PSEN1: variants seen among roughly 807,000 people sequenced by gnomAD.
PSEN1 encodes presenilin 1.
In PSEN1, 15 loss-of-function variants were observed where a neutral mutation model predicts 53.5. The ratio of observed to expected loss-of-function variants is 0.28; its 90% CI spans 0.19 to 0.43. The LOEUF is 0.43. Ranked by LOEUF, PSEN1 falls within the 20% of genes least tolerant of loss-of-function variation. The probability of loss-of-function intolerance (pLI) is 1.00; values close to 1 mark genes in which losing one functional copy is unlikely to be tolerated. For synonymous variants in PSEN1, 208 were observed against 209.8 expected (o/e 0.99, Z 0.08); for missense variants, 387 against 571.2 (o/e 0.68, Z 3.29).
intron 1 of PSEN1, among the ~76,000 whole-genome samples, chr14:73,146,358 A>G (rs761787391): frequency 2.6e-5 from 4 of 151,670 alleles, no homozygotes; most frequent in Non-Finnish European, 4.4e-5. Context: ...CCAGCTAATT[A>G]TTTTTTTGTA....
chr14:73,177,427 A>G (rs1898078352), intron 5 of PSEN1, among the ~76,000 whole-genome samples: 1 of 150,230 alleles, frequency 6.7e-6, no homozygotes, highest in Admixed American at 6.6e-5. Context: ...GTTTTGAGAT[A>G]AAGTCTTGCT....
intron 1 of PSEN1, among the ~76,000 whole-genome samples, chr14:73,143,630 C>G (rs994896835): frequency 6.6e-6 from 1 of 152,156 alleles, no homozygotes; most frequent in South Asian, 2.1e-4. Context: ...TGAGAAAGCT[C>G]CAGTGTGACC....
At chr14:73,208,342 G>A (rs1566651673) in intron 9 of PSEN1, among the ~76,000 whole-genome samples, 1 of 152,204 alleles carries the variant, frequency 6.6e-6, no homozygotes, top group African/African-American at 2.4e-5. Flanking sequence ...AGATGAAAAG[G>A]TGCTTTATTG....
chr14:73,203,368 A>T (rs1899310220), intron 8 of PSEN1, among the ~76,000 whole-genome samples: 1 of 152,150 alleles, frequency 6.6e-6, no homozygotes, highest in African/African-American at 2.4e-5. Context: ...GATTACAGGC[A>T]TGAGCCACCG....
chr14:73,201,540 G>A (rs1277773688), intron 8 of PSEN1, among the ~76,000 whole-genome samples: 1 of 152,226 alleles, frequency 6.6e-6, no homozygotes, highest in African/African-American at 2.4e-5. Flanking sequence ...AGGTGCGTAT[G>A]TGTGCATGCA....
chr14:73,153,030 A>G (rs920974860), intron 3 of PSEN1, among the ~76,000 whole-genome samples: 7 of 152,362 alleles, frequency 4.6e-5, no homozygotes, highest in South Asian at 2.1e-4. Flanking sequence ...AGCCTAGGTG[A>G]CAAAGTGATA....
chr14:73,191,411 G>T (rs1268703196), intron 6 of PSEN1, among the ~76,000 whole-genome samples: 1 of 152,008 alleles, frequency 6.6e-6, no homozygotes, highest in Non-Finnish European at 1.5e-5. Flanking sequence ...GTGTGTGTGT[G>T]TATGATGATT....
chr14:73,171,097 T>G (rs1026144037), intron 4 of PSEN1, 50 bp downstream of exon 4: 31 of 1,607,134 alleles, frequency 1.9e-5, no homozygotes, highest in Non-Finnish European at 2.6e-5. Context: ...TGGCTTTTCT[T>G]TACAGCATGT....
intron 1 of PSEN1, among the ~76,000 whole-genome samples, chr14:73,146,808 AT>A (rs1231701605): frequency 6.6e-6 from 1 of 152,222 alleles, no homozygotes; most frequent in African/African-American, 2.4e-5. Flanking sequence ...ATGGTAATGT[AT>A]TAATTAGCGT....
intron 3 of PSEN1, chr14:73,168,337 C>A (rs61986885): frequency 0.1 from 15,742 of 150,100 alleles, 1,006 homozygotes; most frequent in African/African-American, 0.18. Flanking sequence ...CCTGGGCAAC[C>A]GAGTGAGACT....
intron 3 of PSEN1, among the ~76,000 whole-genome samples, chr14:73,164,339 T>C (rs947603672): frequency 6.6e-5 from 10 of 152,226 alleles, no homozygotes; most frequent in African/African-American, 2.4e-4. Flanking sequence ...TTTCTATTGA[T>C]AGACTAAAAA....
At position 73,219,982 on chromosome 14, in the gene PSEN1, C is replaced by A. The variant is rs1480864705; in HGVS notation, c.*693C>A. Reference sequence around the variant, plus strand: ...TACCGTCTGTGATTGCCATTTCTTCCCAAGGCCAGTCTGAACCTGAGGTTG... The same window carrying A: ...TACCGTCTGTGATTGCCATTTCTTCACAAGGCCAGTCTGAACCTGAGGTTG... On this transcript the variant is annotated 3_prime_UTR_variant, in exon 12 of 12. Coordinates refer to ENST00000324501, the MANE Select transcript of PSEN1 (RefSeq NM_000021.4). 2.0e-5 allele frequency: 3 copies of A among 152,566 alleles called. No individual in the cohort carries two copies. The highest frequency in any genetic ancestry group is 3.4e-3 in the Middle Eastern group (1 of 294). The allele number at this position is 152,566 out of a possible 1,614,324, so 9.5% of individuals were successfully genotyped here.
chr14:73,147,034 G>A (rs750455936), intron 1 of PSEN1, among the ~76,000 whole-genome samples: 3 of 150,904 alleles, frequency 2.0e-5, no homozygotes, highest in Non-Finnish European at 3.0e-5. Flanking sequence ...GGAGTCAGGA[G>A]TCAGCCATTC....
intron 5 of PSEN1, among the ~76,000 whole-genome samples, chr14:73,176,656 G>T (rs1386063407): frequency 6.6e-6 from 1 of 152,196 alleles, no homozygotes; most frequent in Non-Finnish European, 1.5e-5. Flanking sequence ...AGCATGTAAA[G>T]GTTTTCCCAA....
chr14:73,145,565 C>G (rs1361254556), intron 1 of PSEN1, among the ~76,000 whole-genome samples: 1 of 151,764 alleles, frequency 6.6e-6, no homozygotes, highest in African/African-American at 2.4e-5. Flanking sequence ...TCACGAACTC[C>G]TGGCCTCAAG....
At chr14:73,138,611 C>T (rs562889925) in intron 1 of PSEN1, among the ~76,000 whole-genome samples, 17 of 152,096 alleles carry the variant, frequency 1.1e-4, no homozygotes, top group African/African-American at 3.9e-4. Flanking sequence ...CCTTGGCCTC[C>T]CAGAGTGGTG....
chr14:73,140,456 G>T (rs1050262573), intron 1 of PSEN1, among the ~76,000 whole-genome samples: 1 of 151,844 alleles, frequency 6.6e-6, no homozygotes, highest in Non-Finnish European at 1.5e-5. Context: ...TGATCCACCC[G>T]CCTCAGCCTC....
chr14:73,191,961 A>G (rs1000033403), intron 6 of PSEN1, among the ~76,000 whole-genome samples: 1 of 152,196 alleles, frequency 6.6e-6, no homozygotes, highest in African/African-American at 2.4e-5. Flanking sequence ...TTTTAAACTA[A>G]TATTTCCCAA....
intron 3 of PSEN1, among the ~76,000 whole-genome samples, chr14:73,156,980 T>C (rs903175028): frequency 4.0e-5 from 6 of 151,688 alleles, no homozygotes; most frequent in African/African-American, 7.3e-5. Context: ...AAAATGGTCT[T>C]ACAGGTAATA....
Sources: allele counts gnomAD v4.1 joint callset (sites outside exome capture counted in the v4.1 genomes callset), GRCh38; gene constraint gnomAD v4.1.1; transcripts MANE v1.5; gene names NCBI Gene and HGNC (gene_info 2026-07-23, HGNC 2026-07-21).